GHR: variants seen among roughly 807,000 people sequenced by gnomAD.
The protein encoded by GHR is GH receptor.
Under a neutral mutation model 67.1 loss-of-function variants are expected in GHR, and 35 were observed. The ratio of observed to expected loss-of-function variants is 0.52; its 90% confidence interval spans 0.40 to 0.69. The LOEUF (loss-of-function observed/expected upper bound fraction) is 0.69. GHR is among the 30% of genes least tolerant of loss of function. The pLI is 0.00. For synonymous variants in GHR, 272 were observed against 269.1 expected, an observed-to-expected ratio of 1.01 and a Z score of -0.10; for missense variants, 792 against 764.6, an observed-to-expected ratio of 1.04 and a Z score of -0.42.
intron 1 of GHR, among the ~76,000 whole-genome samples, chr5:42,426,503 A>G (rs1446029661): frequency 6.6e-6 from 1 of 152,256 alleles, no homozygotes; most frequent in Non-Finnish European, 1.5e-5. Context: ...GTTTGCTTTT[A>G]AAGAGCAATT....
At position 42,586,191 on chromosome 5, in the gene GHR, C is replaced by T. The variant is rs544481215; in HGVS notation, c.70+20247C>T. On this transcript the variant is annotated intron_variant, in intron 2 of 9. Transcript: ENST00000230882. ...ATGTTTTCCTTTCCTCCTCCTCCTC[C>T]TCCTCTCCTTCTCTAACCCCACTAT... Among the ~76,000 whole-genome samples, 9 of 152,226 alleles carry T rather than the reference C, an allele frequency of 5.9e-5. 1 individual carries two copies. In the South Asian group the frequency reaches 1.7e-3, roughly 28 times the overall value.
chr5:42,646,460 T>A (rs927866835), intron 3 of GHR: 4 of 358,610 alleles, frequency 1.1e-5, no homozygotes, highest in East Asian at 7.9e-5. Context: ...CTTTTTTTTT[T>A]ATTTACCCAG....
At chr5:42,676,956 C>G (rs2112922931) in intron 3 of GHR, among the ~76,000 whole-genome samples, 1 of 152,052 alleles carries the variant, frequency 6.6e-6, no homozygotes, top group African/African-American at 2.4e-5. Flanking sequence ...CTGCTGGGGG[C>G]CAGGAACTGC....
At chr5:42,606,873 C>T (rs1752654050) in intron 2 of GHR, among the ~76,000 whole-genome samples, 1 of 151,830 alleles carries the variant, frequency 6.6e-6, no homozygotes, top group Non-Finnish European at 1.5e-5. Context: ...TTCTTGCACA[C>T]CTGTTTAAAA....
In GHR at chr5:42,487,321, A is replaced by T. The variant is rs191716517; in HGVS notation, c.-12+63366A>T. Among the ~76,000 whole-genome samples, 13 of 152,296 alleles carry T rather than the reference A, an allele frequency of 8.5e-5. No homozygotes were observed. In the East Asian group the frequency reaches 2.3e-3, roughly 27 times the overall value. The stretch of plus-strand genomic sequence containing the variant: ...TGACTCATTCCTACTTGTATTCTTA[A>T]TAGTATTTTCTATGTCTGATAACAC... On this transcript the variant is annotated intron_variant, in intron 1 of 9. Coordinates refer to ENST00000230882, the MANE Select transcript of GHR (RefSeq NM_000163.5).
At position 42,718,853 on chromosome 5, in the gene GHR, T is replaced by C. The variant is rs760450095; in HGVS notation, c.1346T>C (p.Ile449Thr). 13 of 1,613,966 alleles carry C rather than the reference T, an allele frequency of 8.1e-6. No individual in the cohort carries two copies. The highest frequency in any genetic ancestry group is 1.7e-5 in the Admixed American group (1 of 59,984). The change falls in exon 10 of 10, where the codon ATC becomes ACC. Residue 449 changes from isoleucine (I) to threonine (T), a missense_variant. Physicochemically the swap from Ile to Thr is moderately conservative, Grantham distance 89. Coordinates refer to ENST00000230882, the MANE Select transcript of GHR (RefSeq NM_000163.5). The stretch of plus-strand genomic sequence containing the variant: ...CCTGCTACTCAGCAGCCCAGTGTTA[T>C]CCAAGCAGAGAAAAACAAACCACAA... ...ACPATQQPSV[I>T]QAEKNKPQPL...
intron 2 of GHR, among the ~76,000 whole-genome samples, chr5:42,585,373 G>A (rs1032079487): frequency 1.3e-5 from 2 of 152,174 alleles, no homozygotes; most frequent in African/African-American, 4.8e-5. Context: ...AAAACAAATA[G>A]TCCTGTGTAA....
intron 2 of GHR, among the ~76,000 whole-genome samples, chr5:42,579,906 G>GT (rs920406816): frequency 0.017 from 2,545 of 145,970 alleles, 51 homozygotes; most frequent in African/African-American, 0.054. Flanking sequence ...ATGCCATGCT[G>GT]TTTTTTTTTT....
intron 2 of GHR, among the ~76,000 whole-genome samples, chr5:42,593,457 A>G (rs1368704827): frequency 2.0e-5 from 3 of 152,230 alleles, no homozygotes; most frequent in African/African-American, 7.2e-5. Context: ...GTGAGCATTT[A>G]TAGAGTCCTG....
chr5:42,553,150 A>G (rs534582625), intron 1 of GHR, among the ~76,000 whole-genome samples: 1 of 152,316 alleles, frequency 6.6e-6, no homozygotes, highest in African/African-American at 2.4e-5. Flanking sequence ...TTAGTGGCTT[A>G]AACAATACCC....
At chr5:42,486,334 C>T (rs76875447) in intron 1 of GHR, among the ~76,000 whole-genome samples, 1 of 152,330 alleles carries the variant, frequency 6.6e-6, no homozygotes, top group East Asian at 1.9e-4. Context: ...TTCAACTTGG[C>T]TCTCTTTGAA....
rs548213964 is a variant in GHR, at chr5:42,474,229, AAAAG to A, written c.-12+50284_-12+50287del. ...GATGAAAGAGAGAGAGAGAGAAAGA[AAAAG>A]AAAGAAAGAGAGAGAAAGACAGACA... On this transcript the variant is annotated intron_variant, in intron 1 of 9. Transcript: ENST00000230882. Among the ~76,000 whole-genome samples, 1,404 of 142,880 alleles carry A rather than the reference AAAAG, an allele frequency of 9.8e-3. 22 individuals carry two copies. Among genetic ancestry groups the A allele is most frequent in the African/African-American group, 0.034 (1,287 of 37,966 alleles). 93.7% of individuals were successfully genotyped at this position (142,880 alleles called of 152,430 possible). A position where few individuals can be genotyped will look rare whatever the true frequency, so the allele number is the denominator to read the frequency against.
At chr5:42,663,298 GAA>G (rs1220574304) in intron 3 of GHR, among the ~76,000 whole-genome samples, 1 of 152,124 alleles carries the variant, frequency 6.6e-6, no homozygotes, top group Admixed American at 6.5e-5. Context: ...CCAAAAAAGA[GAA>G]TTTTAGGCCA....
intron 1 of GHR, among the ~76,000 whole-genome samples, chr5:42,520,122 G>A (rs1215196425): frequency 6.6e-6 from 1 of 152,140 alleles, no homozygotes; most frequent in African/African-American, 2.4e-5. Context: ...ATAGCTAAAG[G>A]CAATCCCAGG....
At chr5:42,710,057 CTT>C (rs1472080092) in intron 6 of GHR, among the ~76,000 whole-genome samples, 1 of 150,868 alleles carries the variant, frequency 6.6e-6, no homozygotes, top group East Asian at 2.0e-4. Flanking sequence ...AAAAAAAAAA[CTT>C]AAGAAAAAAA....
chr5:42,554,645 T>C (rs1749212464), intron 1 of GHR, among the ~76,000 whole-genome samples: 1 of 152,026 alleles, frequency 6.6e-6, no homozygotes, highest in Admixed American at 6.5e-5. Flanking sequence ...TACAATGCAG[T>C]AGCCACTAGC....
intron 7 of GHR, among the ~76,000 whole-genome samples, chr5:42,712,527 T>C (rs747867235): frequency 1.3e-5 from 2 of 152,162 alleles, no homozygotes; most frequent in African/African-American, 4.8e-5. Flanking sequence ...ACCAATTCTT[T>C]AAAATGCTTA....
chr5:42,636,209 CAA>C (rs11373491), intron 3 of GHR, among the ~76,000 whole-genome samples: 20 of 81,914 alleles, frequency 2.4e-4, no homozygotes, highest in East Asian at 4.1e-4. Flanking sequence ...GACCCCGTTT[CAA>C]AAAAAAAAAA....
chr5:42,471,180 G>T (rs554755925), intron 1 of GHR, among the ~76,000 whole-genome samples: 1 of 152,124 alleles, frequency 6.6e-6, no homozygotes, highest in Admixed American at 6.5e-5. Context: ...CTGGTGCCTG[G>T]TATAGCACTT....
Sources: allele counts gnomAD v4.1 joint callset (sites outside exome capture counted in the v4.1 genomes callset), GRCh38; gene constraint gnomAD v4.1.1; transcripts MANE v1.5; gene names NCBI Gene and HGNC (gene_info 2026-07-23, HGNC 2026-07-21).